The following CDK17 variants were observed in gnomAD, a reference collection of about 807,000 sequenced individuals.
CDK17 encodes cyclin-dependent kinase 17.
CDK17 carries 24 observed loss-of-function variants against 77.6 expected under a neutral mutation model. That is an observed-to-expected ratio of 0.31 (90% CI 0.22 to 0.44). The LOEUF is 0.44. Ranked by LOEUF, CDK17 falls within the 20% of genes least tolerant of loss-of-function variation. The pLI is 1.00. For synonymous variants in CDK17, 203 were observed against 210.4 expected (o/e 0.96, Z 0.30); for missense variants, 429 against 622.5 (o/e 0.69, Z 3.31).
At chr12:96,313,219 T>C in intron 4 of CDK17, 102 bp downstream of exon 4, 1 of 851,900 alleles carries the variant, frequency 1.2e-6, no homozygotes, top group Non-Finnish European at 1.7e-6. Flanking sequence ...CGTGTCTTCA[T>C]GAAAATTTTT....
At chr12:96,286,633 A>C (rs78553472) in intron 12 of CDK17, 31 bp downstream of exon 12, 67,752 of 1,531,086 alleles carry the variant, frequency 0.044, 1,940 homozygotes, top group East Asian at 0.13. Flanking sequence ...TTATGGGTGC[A>C]AAATCACTGG....
intron 1 of CDK17, among the ~76,000 whole-genome samples, chr12:96,369,345 T>G (rs115877501): frequency 6.6e-6 from 1 of 152,114 alleles, no homozygotes; most frequent in Non-Finnish European, 1.5e-5. Flanking sequence ...AAGAAAAAAC[T>G]TGACAACACT....
intron 3 of CDK17, among the ~76,000 whole-genome samples, chr12:96,322,341 C>A (rs977689269): frequency 6.6e-6 from 1 of 152,160 alleles, no homozygotes; most frequent in Non-Finnish European, 1.5e-5. Context: ...AGTTCTAGAA[C>A]AAGGGTCTAG....
At chr12:96,390,995 G>C (rs1008694483) in intron 1 of CDK17, among the ~76,000 whole-genome samples, 12 of 150,504 alleles carry the variant, frequency 8.0e-5, no homozygotes, top group African/African-American at 2.9e-4. Flanking sequence ...GCTGAGACAG[G>C]AGAATTTACT....
At chr12:96,369,892 A>G (rs566225769) in intron 1 of CDK17, among the ~76,000 whole-genome samples, 4 of 152,342 alleles carry the variant, frequency 2.6e-5, no homozygotes, top group Non-Finnish European at 4.4e-5. Flanking sequence ...CAGCCTGACC[A>G]ATATGGTGAA....
At chr12:96,366,727 G>A (rs1953589881) in intron 1 of CDK17, among the ~76,000 whole-genome samples, 1 of 151,976 alleles carries the variant, frequency 6.6e-6, no homozygotes, top group Middle Eastern at 3.2e-3. Flanking sequence ...TGTTATCAGT[G>A]GTCTTATAAG....
At position 96,400,143 on chromosome 12, in the gene CDK17, C is replaced by T. The variant is rs1954237441; in HGVS notation, c.-187G>A. The T allele has an allele frequency of 2.5e-6, 1 of 394,212 alleles. No individual in the cohort carries two copies. The allele number at this position is 394,212 out of a possible 1,614,324, so 24.4% of individuals were successfully genotyped here. ...CGCAGGCCTCCGCCGCCACAGCCGC[C>T]TTCCGGCTCTCGCCGCGGGTCCGGA... On this transcript the variant is annotated 5_prime_UTR_variant, in exon 1 of 17. Coordinates refer to ENST00000261211, the MANE Select transcript of CDK17 (RefSeq NM_002595.5).
chr12:96,310,970 A>T, intron 5 of CDK17, 82 bp downstream of exon 5: 3 of 1,403,160 alleles, frequency 2.1e-6, no homozygotes, highest in Non-Finnish European at 2.9e-6. Flanking sequence ...AAGTATAAAA[A>T]TTAATTTAAA....
chr12:96,334,529 G>C (rs1953014793), intron 2 of CDK17, among the ~76,000 whole-genome samples, 190 bp downstream of exon 2: 1 of 152,190 alleles, frequency 6.6e-6, no homozygotes, highest in South Asian at 2.1e-4. Context: ...CGTAATGTTG[G>C]AGTGAGAGGG....
chr12:96,382,743 A>C (rs1214345513), intron 1 of CDK17, among the ~76,000 whole-genome samples: 1 of 152,164 alleles, frequency 6.6e-6, no homozygotes, highest in African/African-American at 2.4e-5. Flanking sequence ...ACTAAAACAG[A>C]ATTAAAAACA....
At chr12:96,361,335 G>T (rs1227610308) in intron 1 of CDK17, among the ~76,000 whole-genome samples, 1 of 152,172 alleles carries the variant, frequency 6.6e-6, no homozygotes, top group Non-Finnish European at 1.5e-5. Context: ...ACAAAAAGGA[G>T]AAAAGTCCTT....
intron 5 of CDK17, among the ~76,000 whole-genome samples, chr12:96,306,732 A>G (rs527656290): frequency 6.6e-6 from 1 of 152,264 alleles, no homozygotes; most frequent in East Asian, 1.9e-4. Context: ...CCACAGATAC[A>G]CAAATTCTAA....
At chr12:96,284,721 C>A (rs1366599982) in intron 13 of CDK17, among the ~76,000 whole-genome samples, 1 of 151,760 alleles carries the variant, frequency 6.6e-6, no homozygotes, top group Non-Finnish European at 1.5e-5. Context: ...TGCACCACCA[C>A]GTCCGGCTAA....
chr12:96,346,639 G>A (rs558783914), intron 1 of CDK17, among the ~76,000 whole-genome samples: 1 of 151,010 alleles, frequency 6.6e-6, no homozygotes, highest in African/African-American at 2.4e-5. Flanking sequence ...AAAAAAGGCC[G>A]GGCATGGTGG....
intron 3 of CDK17, among the ~76,000 whole-genome samples, chr12:96,323,439 TGACAGAGTGA>T (rs1952850919): frequency 6.6e-6 from 1 of 151,866 alleles, no homozygotes; most frequent in Admixed American, 6.6e-5. Context: ...CCAGCCTGGG[TGACAGAGTGA>T]GACACTGTCT....
rs138376615 is a variant in CDK17 at position 96,294,451 on chromosome 12, C to T, written c.997+548G>A. 6.2e-3 allele frequency among the ~76,000 whole-genome samples: 938 copies of T among 151,746 alleles called. 7 individuals carry two copies. Among genetic ancestry groups the T allele is most frequent in the Non-Finnish European group, 0.011 (757 of 67,902 alleles). ...ATACAAAATTAGCCAGGCATGGTGG[C>T]GCATGCCTGTAATCCCAGCTACTTG... On this transcript the variant is annotated intron_variant, in intron 10 of 16. Transcript: ENST00000261211.
At chr12:96,281,362 G>A (rs918525561) in intron 15 of CDK17, among the ~76,000 whole-genome samples, 1 of 152,168 alleles carries the variant, frequency 6.6e-6, no homozygotes, top group Non-Finnish European at 1.5e-5. Flanking sequence ...TATTAATAAT[G>A]AAACACAAAT....
intron 2 of CDK17, among the ~76,000 whole-genome samples, chr12:96,329,395 T>C (rs1460944898): frequency 1.3e-5 from 2 of 152,218 alleles, no homozygotes; most frequent in African/African-American, 4.8e-5. Context: ...GGATTTCCAA[T>C]GATTTTTACC....
intron 1 of CDK17, among the ~76,000 whole-genome samples, chr12:96,366,429 C>T (rs1261671312): frequency 6.6e-6 from 1 of 152,176 alleles, no homozygotes; most frequent in African/African-American, 2.4e-5. Context: ...TAAATCACAG[C>T]CGCTATCATA....
Sources: gnomAD v4.1 joint callset for allele counts (sites outside exome capture counted in the v4.1 genomes callset) on GRCh38, gnomAD v4.1.1 for gene constraint, MANE v1.5 for transcripts, NCBI Gene and HGNC (gene_info 2026-07-23, HGNC 2026-07-21) for gene names.